Variants in DMD observed in about 807,000 individuals in gnomAD.
DMD encodes the protein mutant dystrophin.
In DMD, 63 loss-of-function variants were observed where a neutral mutation model predicts 330.1. That is an observed-to-expected ratio of 0.19 (90% CI 0.16 to 0.24). The LOEUF is 0.24. Among genes scored for constraint, DMD ranks in the 10% least tolerant of loss-of-function variants. The pLI, the probability that DMD is intolerant of heterozygous loss-of-function variation, is 1.00. For missense variants in DMD, 3,344 were observed against 2,684.1 expected, an observed-to-expected ratio of 1.25 and a Z score of -5.43; for synonymous variants, 1,223 against 959.8, an observed-to-expected ratio of 1.27 and a Z score of -5.07.
At chrX:32,959,371 G>A (rs1313067333) in intron 2 of DMD, among the ~76,000 whole-genome samples, 3 of 111,031 alleles carry the variant, frequency 2.7e-5, no homozygotes, top group Non-Finnish European at 5.7e-5. Context: ...ATCCAATTCC[G>A]GTTTTGTTGT....
intron 18 of DMD, among the ~76,000 whole-genome samples, chrX:32,515,191 G>T (rs756922995): frequency 9.0e-6 from 1 of 111,163 alleles, no homozygotes; most frequent in Non-Finnish European, 1.9e-5. Flanking sequence ...TTGAAAAAGT[G>T]TTTGAGCCTG....
intron 4 of DMD, among the ~76,000 whole-genome samples, chrX:32,839,290 C>T (rs1332281083): frequency 9.0e-6 from 1 of 111,486 alleles, no homozygotes; most frequent in Non-Finnish European, 1.9e-5. Context: ...ACCCACCTTC[C>T]TATAGACAAT....
chrX:33,116,063 T>C (rs966845904), intron 1 of DMD, among the ~76,000 whole-genome samples: 1 of 108,832 alleles, frequency 9.2e-6, no homozygotes. Flanking sequence ...CATGGTGGCG[T>C]GCACCAGTAA....
intron 34 of DMD, among the ~76,000 whole-genome samples, chrX:32,370,975 G>C (rs1261824556): frequency 9.0e-6 from 1 of 111,169 alleles, no homozygotes; most frequent in East Asian, 2.8e-4. Context: ...CTGAATAAGA[G>C]AGCTAGTTAG....
intron 44 of DMD, among the ~76,000 whole-genome samples, chrX:31,995,284 T>C (rs1197961266): frequency 8.9e-6 from 1 of 112,048 alleles, no homozygotes; most frequent in African/African-American, 3.2e-5. Context: ...CAGTGATTAC[T>C]CTATTGGTTG....
intron 1 of DMD, among the ~76,000 whole-genome samples, chrX:33,223,398 G>A (rs1000407127): frequency 5.4e-5 from 6 of 111,931 alleles, no homozygotes; most frequent in Admixed American, 2.9e-4. Flanking sequence ...TCAAGACTTC[G>A]GTAATCAAGA....
At chrX:31,525,908 A>T (rs1249432279) in intron 55 of DMD, among the ~76,000 whole-genome samples, 1 of 112,480 alleles carries the variant, frequency 8.9e-6, no homozygotes, top group Non-Finnish European at 1.9e-5. Context: ...TCACCATCAC[A>T]GATAAACGGA....
At chrX:31,410,885 T>G (rs1176847156) in intron 60 of DMD, among the ~76,000 whole-genome samples, 2 of 106,630 alleles carry the variant, frequency 1.9e-5, no homozygotes, top group African/African-American at 3.4e-5. Flanking sequence ...ACTACAGGCA[T>G]GTACCGCCAT....
intron 62 of DMD, among the ~76,000 whole-genome samples, chrX:31,290,289 T>C (rs1287007568): frequency 1.8e-5 from 2 of 111,173 alleles, no homozygotes; most frequent in African/African-American, 6.5e-5. Flanking sequence ...TGCAGATAAG[T>C]AGGTAATGCA....
At chrX:33,062,015 A>T (rs1438155502) in intron 1 of DMD, among the ~76,000 whole-genome samples, 2 of 112,367 alleles carry the variant, frequency 1.8e-5, no homozygotes, top group East Asian at 5.6e-4. Flanking sequence ...CTCCATAAAG[A>T]TCCAGCTTTA....
rs141426348 is a variant in DMD, at chrX:32,069,217, A to C, written c.6439-100703T>G. Among the ~76,000 whole-genome samples, 1,060 of 111,643 alleles carry C rather than the reference A, an allele frequency of 9.5e-3. 15 individuals are homozygous for C. Among genetic ancestry groups the C allele is most frequent in the Admixed American group, 0.039 (409 of 10,452 alleles). ...GATGGTGGATATCCCAATTACCCTGATTTGATCATTACACATTATACGCTT... is the reference window on the plus strand; with the variant it reads ...GATGGTGGATATCCCAATTACCCTGCTTTGATCATTACACATTATACGCTT... On this transcript the variant is annotated intron_variant, in intron 44 of 78. Coordinates refer to ENST00000357033, the MANE Select transcript of DMD (RefSeq NM_004006.3).
At chrX:31,951,135 ATATATGTG>A (rs1468104573) in intron 45 of DMD, among the ~76,000 whole-genome samples, 49 of 78,901 alleles carry the variant, frequency 6.2e-4, no homozygotes, top group African/African-American at 1.9e-3. Context: ...ATATATATAT[ATATATGTG>A]TATATATATA....
At chrX:32,505,930 CCCTA>C (rs1413907372) in intron 18 of DMD, among the ~76,000 whole-genome samples, 3 of 111,938 alleles carry the variant, frequency 2.7e-5, no homozygotes, top group African/African-American at 6.5e-5. Flanking sequence ...CAGGATTTCA[CCCTA>C]GATTCCAATT....
At chrX:31,893,537 C>T (rs373064116) in intron 47 of DMD, among the ~76,000 whole-genome samples, 2 of 103,821 alleles carry the variant, frequency 1.9e-5, no homozygotes, top group African/African-American at 6.9e-5. Flanking sequence ...AAAGGAAGAG[C>T]TGTACTTGAA....
intron 52 of DMD, among the ~76,000 whole-genome samples, chrX:31,728,086 A>G (rs956636596): frequency 9.8e-5 from 11 of 112,115 alleles, no homozygotes; most frequent in Admixed American, 3.8e-4. Flanking sequence ...GCAGTGGCGC[A>G]ATCTCGGCTC....
At chrX:33,091,220 T>C (rs61050076) in intron 1 of DMD, among the ~76,000 whole-genome samples, 1 of 111,706 alleles carries the variant, frequency 9.0e-6, no homozygotes. Flanking sequence ...AGTTTAAACA[T>C]GATATTTCAA....
At chrX:31,336,430 C>A (rs557687358) in intron 61 of DMD, among the ~76,000 whole-genome samples, 3 of 112,179 alleles carry the variant, frequency 2.7e-5, no homozygotes, top group African/African-American at 9.7e-5. Context: ...TTCTGTTGCG[C>A]AAAGCTTTGT....
intron 44 of DMD, among the ~76,000 whole-genome samples, chrX:32,114,945 T>A (rs1409730701): frequency 8.9e-6 from 1 of 112,231 alleles, no homozygotes; most frequent in Non-Finnish European, 1.9e-5. Flanking sequence ...AGGTCAAGTA[T>A]GAGCTCCATA....
intron 12 of DMD, among the ~76,000 whole-genome samples, chrX:32,612,005 T>A (rs1055848086): frequency 9.0e-6 from 1 of 111,166 alleles, no homozygotes; most frequent in African/African-American, 3.3e-5. Context: ...GTGGGAGAAG[T>A]TTGTCTTGGG....
Sources: gnomAD v4.1 joint callset for allele counts (sites outside exome capture counted in the v4.1 genomes callset) on GRCh38, gnomAD v4.1.1 for gene constraint, MANE v1.5 for transcripts, NCBI Gene and HGNC (gene_info 2026-07-23, HGNC 2026-07-21) for gene names.